Variants in ANO3 observed in about 807,000 individuals in gnomAD.
ANO3 encodes anoctamin 3.
In ANO3, 99 loss-of-function variants were observed where a neutral mutation model predicts 144.8. The observed-to-expected ratio is 0.68, with a 90% CI of 0.58 to 0.81. The LOEUF (loss-of-function observed/expected upper bound fraction) is 0.81. Among genes scored for constraint, ANO3 ranks in the 30% least tolerant of loss-of-function variants. ANO3 has a pLI of 0.00. For synonymous variants in ANO3, 414 were observed against 392.6 expected (o/e 1.05, Z -0.64); for missense variants, 905 against 1,202.2 (o/e 0.75, Z 3.66).
intron 13 of ANO3, among the ~76,000 whole-genome samples, chr11:26,555,915 A>G (rs1018006269): frequency 6.6e-6 from 1 of 152,134 alleles, no homozygotes; most frequent in African/African-American, 2.4e-5. Flanking sequence ...GGACTTCTCA[A>G]TTCAGTTCCT....
intron 1 of ANO3, among the ~76,000 whole-genome samples, chr11:26,325,977 AT>A (rs796853022): frequency 1.6e-4 from 24 of 152,208 alleles, no homozygotes; most frequent in African/African-American, 5.8e-4. Context: ...CACAGAGTCT[AT>A]GATCTAGAAT....
intron 23 of ANO3, among the ~76,000 whole-genome samples, chr11:26,644,684 A>G (rs767451747): frequency 1.3e-5 from 2 of 152,164 alleles, no homozygotes; most frequent in African/African-American, 2.4e-5. Flanking sequence ...TCTATTTACT[A>G]GCATTTTTCT....
intron 1 of ANO3, among the ~76,000 whole-genome samples, chr11:26,428,896 G>A (rs868622071): frequency 6.6e-6 from 1 of 152,106 alleles, no homozygotes; most frequent in Admixed American, 6.6e-5. Context: ...GAACTCTAAA[G>A]AATATAGGAA....
At chr11:26,381,994 T>C (rs1231522119) in intron 1 of ANO3, among the ~76,000 whole-genome samples, 1 of 152,232 alleles carries the variant, frequency 6.6e-6, no homozygotes, top group Non-Finnish European at 1.5e-5. Flanking sequence ...ATAGGATTAT[T>C]CTGAATTTTT....
chr11:26,626,005 A>G (rs1852571953), intron 18 of ANO3, among the ~76,000 whole-genome samples: 1 of 152,190 alleles, frequency 6.6e-6, no homozygotes. Context: ...TGTTAGAAAT[A>G]CTGCCCCTTT....
intron 6 of ANO3, among the ~76,000 whole-genome samples, chr11:26,521,489 A>T (rs1026111943): frequency 6.6e-6 from 1 of 152,088 alleles, no homozygotes; most frequent in Non-Finnish European, 1.5e-5. Flanking sequence ...TATGTGTAAA[A>T]TTTTAATTTG....
chr11:26,345,670 A>G (rs1305978115), intron 1 of ANO3, among the ~76,000 whole-genome samples: 1 of 152,236 alleles, frequency 6.6e-6, no homozygotes, highest in Non-Finnish European at 1.5e-5. Flanking sequence ...ATCTAAATAT[A>G]TTCTTCAATT....
intron 7 of ANO3, among the ~76,000 whole-genome samples, chr11:26,527,736 G>A (rs1228015368): frequency 6.6e-6 from 1 of 152,162 alleles, no homozygotes; most frequent in East Asian, 1.9e-4. Context: ...TTGAAAGGAT[G>A]TTGTTGGTTT....
Position 26,642,133 on chromosome 11 carries a change from C to G in ANO3, c.2275+104C>G, listed in dbSNP as rs1853176685. The G allele has an allele frequency of 2.3e-6, 3 of 1,315,860 alleles. No individual in the cohort carries two copies. The South Asian group carries it at 4.3e-5, about 19-fold the overall frequency. The allele number at this position is 1,315,860 out of a possible 1,614,324, so 81.5% of individuals were successfully genotyped here. On this transcript the variant is annotated intron_variant, in intron 22 of 26. Coordinates refer to ENST00000256737, the MANE Select transcript of ANO3 (RefSeq NM_031418.4). ...AGAAAATTATCTCTTTCCTTTCCAA[C>G]CCCAAGCATTCTAAAACACGTCTGC...
chr11:26,218,404 T>C (rs1852076156), intron 1 of ANO3, among the ~76,000 whole-genome samples: 1 of 152,168 alleles, frequency 6.6e-6, no homozygotes, highest in Non-Finnish European at 1.5e-5. Flanking sequence ...CAGTATTTTC[T>C]TATGCTAGTT....
At chr11:26,476,855 A>T (rs1215709993) in intron 4 of ANO3, among the ~76,000 whole-genome samples, 2 of 151,780 alleles carry the variant, frequency 1.3e-5, no homozygotes, top group African/African-American at 4.8e-5. Flanking sequence ...GATGAGTCAA[A>T]GTCAAAAAAG....
intron 9 of ANO3, 51 bp from the exon 10 acceptor site, chr11:26,537,355 A>G (rs1718024066): frequency 7.1e-7 from 1 of 1,399,686 alleles, no homozygotes; most frequent in Non-Finnish European, 1.0e-6. Context: ...GCTTCAGAGG[A>G]AATGTTTCAT....
intron 2 of ANO3, among the ~76,000 whole-genome samples, chr11:26,442,806 G>T (rs190664959): frequency 6.1e-4 from 93 of 152,148 alleles, no homozygotes; most frequent in South Asian, 3.5e-3. Context: ...TTGCTCTGTC[G>T]CCCAGGCTGG....
At chr11:26,557,360 C>G (rs1265269307) in intron 13 of ANO3, among the ~76,000 whole-genome samples, 1 of 151,072 alleles carries the variant, frequency 6.6e-6, no homozygotes, top group African/African-American at 2.4e-5. Flanking sequence ...ACTCGGGAGG[C>G]TGAGGCAGGA....
chr11:26,558,329 ACT>A (rs1304466321), intron 13 of ANO3, among the ~76,000 whole-genome samples: 1 of 151,870 alleles, frequency 6.6e-6, no homozygotes, highest in Non-Finnish European at 1.5e-5. Context: ...CTGTTCTAAC[ACT>A]CTAAGAGACT....
intron 1 of ANO3, among the ~76,000 whole-genome samples, chr11:26,397,241 T>C (rs1195798167): frequency 6.6e-6 from 1 of 152,078 alleles, no homozygotes; most frequent in Non-Finnish European, 1.5e-5. Context: ...ACCTCAGTGT[T>C]CTCAGTAGTA....
At chr11:26,641,360 AC>A (rs1418959307) in intron 21 of ANO3, among the ~76,000 whole-genome samples, 1 of 152,188 alleles carries the variant, frequency 6.6e-6, no homozygotes, top group Non-Finnish European at 1.5e-5. Flanking sequence ...CAGGATGGGA[AC>A]TAGAACTTAG....
At chr11:26,238,083 C>T (rs552541770) in intron 1 of ANO3, among the ~76,000 whole-genome samples, 2 of 152,172 alleles carry the variant, frequency 1.3e-5, no homozygotes, top group East Asian at 1.9e-4. Flanking sequence ...TATCTTCATT[C>T]CTACTATTAC....
In ANO3 at chr11:26,262,935, T is replaced by C. The variant is rs556347417; in HGVS notation, c.155-46710T>C. Among the ~76,000 whole-genome samples the C allele has an allele frequency of 5.9e-5, 9 of 152,300 alleles. No individual in the cohort carries two copies. In the East Asian group the frequency reaches 1.4e-3, roughly 23 times the overall value. On this transcript the variant is annotated intron_variant, in intron 1 of 27. Coordinates refer to the ANO3 transcript ENST00000672621. ...CCCAGTCTAAGGTATTCTGTGGTAA[T>C]AGCCCTAAATACTGAGACATACTCA...
Sources: allele counts gnomAD v4.1 joint callset (sites outside exome capture counted in the v4.1 genomes callset), GRCh38; gene constraint gnomAD v4.1.1; transcripts MANE v1.5; gene names NCBI Gene and HGNC (gene_info 2026-07-23, HGNC 2026-07-21).